The following ZNF682 variants were observed in gnomAD, a reference collection of about 807,000 sequenced individuals.
The protein encoded by ZNF682 is zinc finger protein 682.
A neutral mutation model predicts 36.5 loss-of-function variants in ZNF682; 29 were observed. That is an observed-to-expected ratio of 0.80 (90% CI 0.59 to 1.08). The LOEUF is 1.08. Among genes scored for constraint, ZNF682 ranks in the 50% least tolerant of loss-of-function variants. The probability of loss-of-function intolerance (pLI) is 0.00; values close to 1 mark genes in which losing one functional copy is unlikely to be tolerated. For synonymous variants in ZNF682, 180 were observed against 197.0 expected (o/e 0.91, Z 0.72); for missense variants, 561 against 579.7 (o/e 0.97, Z 0.33).
At chr19:20,023,197 T>C (rs76843611) in intron 2 of ZNF682, 98 bp from the exon 3 acceptor site, 1 of 1,098,280 alleles carries the variant, frequency 9.1e-7, no homozygotes, top group East Asian at 2.5e-5. Context: ...TTATAGATGA[T>C]TCTAGAAAAT....
Position 19,998,920 on chromosome 19 carries a change from TGA to T in ZNF682, c.227-1659_227-1658del, listed in dbSNP as rs1004220372. 2.9e-4 allele frequency among the ~76,000 whole-genome samples: 44 copies of T among 152,262 alleles called. 1 individual carries two copies. The highest frequency in any genetic ancestry group is 1.0e-3 in the African/African-American group (42 of 41,550). ...TTTTAGAAAAATATATATATAATCT[TGA>T]GAGTTATGATTTCTCCCCCTATATT... On this transcript the variant is annotated intron_variant, in intron 3 of 3. Transcript: ENST00000596019.
chr19:20,024,190 A>G, intron 2 of ZNF682, 60 bp downstream of exon 2: 5 of 1,592,354 alleles, frequency 3.1e-6, no homozygotes, highest in Non-Finnish European at 4.3e-6. Context: ...AACATTCTAC[A>G]GAGGAAGAAA....
chr19:20,035,049 G>T (rs1370997155), intron 1 of ZNF682, among the ~76,000 whole-genome samples: 2 of 152,144 alleles, frequency 1.3e-5, no homozygotes, highest in Admixed American at 6.5e-5. Flanking sequence ...AATGAGTGGA[G>T]ATCATGCCAC....
In ZNF682 at chr19:20,036,548, G is replaced by A. The variant is rs1407103994; in HGVS notation, c.3+2795C>T. 3.6e-5 allele frequency among the ~76,000 whole-genome samples: 5 copies of A among 137,654 alleles called. No homozygotes were observed. In the East Asian group the frequency reaches 6.7e-4, roughly 19 times the overall value. The allele number at this position is 137,654 out of a possible 152,430, so 90.3% of individuals were successfully genotyped here. A position where few individuals can be genotyped will look rare whatever the true frequency, so the allele number is the denominator to read the frequency against. Reference sequence around the variant, plus strand: ...TTGAACCCAGGAGGCAGAGGTTACAGTGAGCCGAGATTGTGCCACTGCACT... The same window carrying A: ...TTGAACCCAGGAGGCAGAGGTTACAATGAGCCGAGATTGTGCCACTGCACT... On this transcript the variant is annotated intron_variant, in intron 1 of 3. Transcript: ENST00000397165.
Position 20,039,383 on chromosome 19 carries a change from G to C in ZNF682, c.-38C>G, listed in dbSNP as rs374186356. The C allele has an allele frequency of 6.2e-7, 1 of 1,609,902 alleles. No individual in the cohort carries two copies. The highest frequency in any genetic ancestry group is 1.1e-5 in the South Asian group (1 of 91,036). Reference sequence around the variant, plus strand: ...GGGATGTCGTGGAGTCTTAGCTCTGGATCTCACAGCATCTGCAAGTCAGAG... The same window carrying C: ...GGGATGTCGTGGAGTCTTAGCTCTGCATCTCACAGCATCTGCAAGTCAGAG... On this transcript the variant is annotated 5_prime_UTR_variant, in exon 1 of 4. The change creates a new upstream start codon in the 5' untranslated region. Transcript: ENST00000397165.
intron 1 of ZNF682, among the ~76,000 whole-genome samples, chr19:20,028,128 T>C (rs1244642000): frequency 6.6e-6 from 1 of 152,164 alleles, no homozygotes; most frequent in Non-Finnish European, 1.5e-5. Context: ...GAGCTGACAA[T>C]CACTTAGCTA....
At chr19:20,018,674 T>A (rs933606581) in intron 3 of ZNF682, among the ~76,000 whole-genome samples, 1 of 152,006 alleles carries the variant, frequency 6.6e-6, no homozygotes, top group South Asian at 2.1e-4. Flanking sequence ...AGTATCTACA[T>A]GAAAAAAATA....
intron 3 of ZNF682, chr19:20,015,370 A>G: frequency 1.0e-5 from 10 of 984,910 alleles, no homozygotes; most frequent in Non-Finnish European, 1.2e-5. Context: ...AGATAATTAA[A>G]TTGGTAATAA....
chr19:20,020,190 T>C (rs1256305312), intron 3 of ZNF682, among the ~76,000 whole-genome samples: 3 of 152,128 alleles, frequency 2.0e-5, no homozygotes, highest in Non-Finnish European at 2.9e-5. Flanking sequence ...AAAACCAGTA[T>C]GGACGTTCTT....
intron 3 of ZNF682, among the ~76,000 whole-genome samples, chr19:20,010,234 A>G (rs951243069): frequency 6.6e-6 from 1 of 152,164 alleles, no homozygotes; most frequent in African/African-American, 2.4e-5. Flanking sequence ...CCACAAAAAC[A>G]CACATAAGTA....
In ZNF682 at chr19:20,023,422, G is replaced by A. The variant is rs376754018; in HGVS notation, c.131-323C>T. On this transcript the variant is annotated intron_variant, in intron 2 of 3. Coordinates refer to ENST00000397165, the MANE Select transcript of ZNF682 (RefSeq NM_033196.3). The stretch of plus-strand genomic sequence containing the variant: ...TGAGGGAGGAGAATCACTTGAACCC[G>A]GAGGCAAAGATTACAGTGAGCCAAG... Among the ~76,000 whole-genome samples, 15 of 151,884 alleles carry A rather than the reference G, an allele frequency of 9.9e-5. No homozygotes were observed. The East Asian group carries it at 1.2e-3, about 12-fold the overall frequency.
At chr19:20,001,279 C>T (rs1423941421), downstream of ZNF682, among the ~76,000 whole-genome samples, 2 of 152,210 alleles carry the variant, frequency 1.3e-5, no homozygotes, top group African/African-American at 4.8e-5. Context: ...TCCTACAGAA[C>T]TTCTCCAAAA....
At position 20,005,943 on chromosome 19, in the gene ZNF682, G is replaced by A. The variant is rs1378204260; in HGVS notation, c.*62C>T. On this transcript the variant is annotated 3_prime_UTR_variant, in exon 4 of 4. Coordinates refer to ENST00000397165, the MANE Select transcript of ZNF682 (RefSeq NM_033196.3). Reference sequence around the variant, plus strand: ...TTATCTTGTGATTTCAATGCCTTGAGCAAGATTTATGGAATTTGCCACATT... The same window carrying A: ...TTATCTTGTGATTTCAATGCCTTGAACAAGATTTATGGAATTTGCCACATT... 27 of 1,461,000 alleles carry A rather than the reference G, an allele frequency of 1.8e-5. No individual in the cohort carries two copies. Among genetic ancestry groups the A allele is most frequent in the Non-Finnish European group, 2.4e-5 (26 of 1,082,144 alleles). 90.5% of individuals were successfully genotyped at this position (1,461,000 alleles called of 1,614,324 possible).
intron 3 of ZNF682, chr19:20,007,974 C>G (rs534097295): frequency 6.6e-6 from 1 of 152,514 alleles, no homozygotes; most frequent in South Asian, 2.1e-4. Context: ...TGGCACCGTC[C>G]AAGATGACCT....
chr19:20,028,337 A>G (rs1472669717), intron 1 of ZNF682, among the ~76,000 whole-genome samples: 1 of 151,950 alleles, frequency 6.6e-6, no homozygotes, highest in Middle Eastern at 3.2e-3. Flanking sequence ...CCTCCCAAGT[A>G]GCTGAGACTA....
rs749470533 is a variant in ZNF682 at position 20,006,432 on chromosome 19, G to A, written c.1070C>T (p.Thr357Ile). Residue 357 changes from threonine (T) to isoleucine (I), a missense_variant, in exon 4 of 4, where the codon ACT becomes ATT. Coordinates refer to ENST00000397165, the MANE Select transcript of ZNF682 (RefSeq NM_033196.3). Reference protein sequence around the residue: ...GKAFNSSSILTEHKVIHSGEK... With the variant: ...GKAFNSSSILIEHKVIHSGEK... Reference sequence around the variant, plus strand: ...TCCGCTATGAATTACCTTATGTTCAGTAAGAATTGATGATGAGTTAAAAGC... The same window carrying A: ...TCCGCTATGAATTACCTTATGTTCAATAAGAATTGATGATGAGTTAAAAGC... 13 of 1,613,582 alleles carry A rather than the reference G, an allele frequency of 8.1e-6. No homozygotes were observed. In the East Asian group the frequency reaches 2.5e-4, roughly 30 times the overall value.
At chr19:19,998,115 C>G (rs258579) in intron 3 of ZNF682, among the ~76,000 whole-genome samples, 1 of 152,088 alleles carries the variant, frequency 6.6e-6, no homozygotes, top group Non-Finnish European at 1.5e-5. Context: ...TTGAATCATA[C>G]CTGCACCGTA....
intron 3 of ZNF682, among the ~76,000 whole-genome samples, chr19:20,019,434 T>C (rs1344467790): frequency 1.3e-5 from 2 of 152,114 alleles, no homozygotes; most frequent in Non-Finnish European, 2.9e-5. Context: ...TTTTGAGGTA[T>C]GACACCAAAA....
chr19:20,018,082 T>TC (rs2088351641), intron 3 of ZNF682, among the ~76,000 whole-genome samples: 1 of 12,812 alleles, frequency 7.8e-5, no homozygotes, highest in Non-Finnish European at 1.9e-4. Flanking sequence ...CAAATTCTTT[T>TC]TTTTTTTTTT....
Sources: gnomAD v4.1 joint callset for allele counts (sites outside exome capture counted in the v4.1 genomes callset) on GRCh38, gnomAD v4.1.1 for gene constraint, MANE v1.5 for transcripts, NCBI Gene and HGNC (gene_info 2026-07-23, HGNC 2026-07-21) for gene names.